The following ZCCHC14 variants were observed in gnomAD, a reference collection of about 807,000 sequenced individuals.
The protein encoded by ZCCHC14 is zinc finger CCHC domain-containing protein 14.
ZCCHC14 carries 16 observed loss-of-function variants against 85.0 expected under a neutral mutation model. The observed-to-expected ratio is 0.19, with a 90% CI of 0.13 to 0.29. The LOEUF is 0.29. ZCCHC14 is among the 10% of genes least tolerant of loss of function. The pLI is 1.00. For synonymous variants in ZCCHC14, 775 were observed against 630.7 expected, an observed-to-expected ratio of 1.23 and a Z score of -3.43; for missense variants, 1,303 against 1,443.5, an observed-to-expected ratio of 0.90 and a Z score of 1.58.
rs73238690 is a variant in ZCCHC14 at position 87,420,542 on chromosome 16, T to C, written c.950+65A>G. ...CAGAGCTCCTTGGAGGACCACAGCA[T>C]TGACCACAGGACCAGCCTGTCCTTG... On this transcript the variant is annotated intron_variant, in intron 5 of 12. Transcript: ENST00000671377. The surrounding 1 kb of genome is among the most constrained non-coding windows in gnomAD (Gnocchi z 5.0). 43,512 of 1,372,568 alleles carry C rather than the reference T, an allele frequency of 0.032. 941 individuals are homozygous for C. The highest frequency in any genetic ancestry group is 0.092 in the Middle Eastern group (414 of 4,516). 85.0% of individuals were successfully genotyped at this position (1,372,568 alleles called of 1,614,324 possible). A position where few individuals can be genotyped will look rare whatever the true frequency, so the allele number is the denominator to read the frequency against.
chr16:87,440,821 G>A (rs1426655002), intron 2 of ZCCHC14, among the ~76,000 whole-genome samples: 14 of 151,610 alleles, frequency 9.2e-5, no homozygotes, highest in African/African-American at 9.7e-5. Flanking sequence ...ATGTCACCCA[G>A]GCTGCTTGCT....
intron 2 of ZCCHC14, among the ~76,000 whole-genome samples, chr16:87,445,199 TG>T (rs1910377321): frequency 6.6e-6 from 1 of 152,084 alleles, no homozygotes; most frequent in African/African-American, 2.4e-5. Flanking sequence ...CCGAAGCAGC[TG>T]GGACTACAGG....
intron 1 of ZCCHC14, chr16:87,473,667 TA>T (rs2150770355): frequency 6.6e-6 from 1 of 152,258 alleles, no homozygotes; most frequent in Non-Finnish European, 1.5e-5. Context: ...GTTCCCACTA[TA>T]ATATTCAGCT....
intron 2 of ZCCHC14, among the ~76,000 whole-genome samples, chr16:87,457,159 G>A (rs1911015806): frequency 1.3e-5 from 2 of 152,170 alleles, no homozygotes; most frequent in South Asian, 2.1e-4. Context: ...CACTGGGTAC[G>A]GGGTTTACTA....
Position 87,491,642 on chromosome 16 carries a change from A to T in ZCCHC14, c.570+27T>A. The T allele has an allele frequency of 7.2e-7, 1 of 1,383,708 alleles. No individual in the cohort carries two copies. Among genetic ancestry groups the T allele is most frequent in the South Asian group, 1.7e-5 (1 of 58,646 alleles). The allele number at this position is 1,383,708 out of a possible 1,614,324, so 85.7% of individuals were successfully genotyped here. A position where few individuals can be genotyped will look rare whatever the true frequency, so the allele number is the denominator to read the frequency against. ...AGTTGGGGATGCAGACTTGGGGTAC[A>T]GGGCAGAGCTCGGGGCGGGCACGCA... On this transcript the variant is annotated intron_variant, in intron 1 of 12. Transcript: ENST00000671377. The surrounding 1 kb of genome is among the most constrained non-coding windows in gnomAD (Gnocchi z 5.9).
At position 87,417,730 on chromosome 16, in the gene ZCCHC14, T is replaced by A; in HGVS notation, c.1113A>T (p.Gly371=). ...VMGVSGRPVC[G]VAGIPSSQSG... is the part of the protein sequence containing the mutation. ...TCTGCGAGGACGGGATACCAGCCAC[T>A]CCACACACAGGCCTGTGGGACAGGG... The change falls in exon 8 of 13, where the codon GGA becomes GGT. Residue 371 remains glycine (G), a synonymous_variant. Coordinates refer to ENST00000671377, the MANE Select transcript of ZCCHC14 (RefSeq NM_015144.3). 6.3e-7 allele frequency: 1 copy of A among 1,596,200 alleles called. No individual in the cohort carries two copies. Among genetic ancestry groups the A allele is most frequent in the African/African-American group, 1.3e-5 (1 of 74,746 alleles).
intron 2 of ZCCHC14, among the ~76,000 whole-genome samples, chr16:87,441,524 A>G (rs938944574): frequency 5.9e-5 from 9 of 152,244 alleles, no homozygotes; most frequent in Admixed American, 5.2e-4. Flanking sequence ...AGGCAACACA[A>G]AACTCCTCTC....
At chr16:87,460,267 C>T in intron 1 of ZCCHC14, 136 bp from the exon 2 acceptor site, 1 of 1,194,414 alleles carries the variant, frequency 8.4e-7, no homozygotes, top group Middle Eastern at 2.3e-4. Flanking sequence ...TAATAATAAG[C>T]CTTCCCCAAG....
chr16:87,433,495 G>C (rs1210187358), intron 2 of ZCCHC14, among the ~76,000 whole-genome samples: 1 of 152,192 alleles, frequency 6.6e-6, no homozygotes. Context: ...TGAGAGCCCA[G>C]CAGTAGCTAC....
chr16:87,464,497 C>T (rs1021873120), intron 1 of ZCCHC14, among the ~76,000 whole-genome samples: 2 of 152,154 alleles, frequency 1.3e-5, no homozygotes, highest in African/African-American at 4.8e-5. Flanking sequence ...GTCTTTTCCC[C>T]ACGCAGACAG....
chr16:87,467,692 C>G, intron 1 of ZCCHC14: 1 of 765,274 alleles, frequency 1.3e-6, no homozygotes, highest in Non-Finnish European at 2.3e-6. Flanking sequence ...CGCTCTGTCG[C>G]CCAGGCTGGA....
Position 87,412,406 on chromosome 16 carries a change from G to C in ZCCHC14, c.2315C>G (p.Pro772Arg). The C allele has an allele frequency of 6.2e-7, 1 of 1,614,182 alleles. No individual in the cohort carries two copies. The highest frequency in any genetic ancestry group is 2.2e-5 in the East Asian group (1 of 44,874). The change falls in exon 12 of 13, where the codon CCG becomes CGG. Residue 772 changes from proline (P) to arginine (R), a missense_variant. By Grantham distance (103) the Pro-to-Arg change is moderately radical. This residue lies in a region of ZCCHC14 where 797 missense variants were observed against 730.8 expected (regional missense o/e 1.09). Coordinates refer to ENST00000671377, the MANE Select transcript of ZCCHC14 (RefSeq NM_015144.3). ...TPSTVLHAAR[P>R]PIKLLLSSSV... ...TGACGACAGCAGCAGTTTGATGGGC[G>C]GACGGGCGGCGTGGAGGACTGTGCT...
At chr16:87,476,059 C>G (rs549633251) in intron 1 of ZCCHC14, among the ~76,000 whole-genome samples, 2 of 152,192 alleles carry the variant, frequency 1.3e-5, no homozygotes, top group Non-Finnish European at 2.9e-5. Context: ...GAGACAGGGT[C>G]TCGACTTCTC....
intron 2 of ZCCHC14, among the ~76,000 whole-genome samples, chr16:87,456,158 T>C (rs1426761245): frequency 6.6e-6 from 1 of 152,188 alleles, no homozygotes; most frequent in Non-Finnish European, 1.5e-5. Context: ...ATTGAAACTA[T>C]CAAGGCTTCT....
intron 3 of ZCCHC14, among the ~76,000 whole-genome samples, chr16:87,431,165 G>A (rs550837402): frequency 1.3e-4 from 19 of 146,738 alleles, no homozygotes; most frequent in Non-Finnish European, 2.2e-4. Flanking sequence ...GAAAAGAAAT[G>A]AGAAAGGAAA....
In ZCCHC14 at chr16:87,438,183, G is replaced by A. The variant is rs114939062; in HGVS notation, c.695-4982C>T. Among the ~76,000 whole-genome samples, 202 of 152,386 alleles carry A rather than the reference G, an allele frequency of 1.3e-3. 2 individuals carry two copies. Among genetic ancestry groups the A allele is most frequent in the African/African-American group, 4.4e-3 (183 of 41,588 alleles). ...CAATGCTGTGGTACCGCAGCACTGC[G>A]TGGCACACAGAGCCCACTGCACAGG... is the stretch of plus-strand genomic sequence containing the variant. On this transcript the variant is annotated intron_variant, in intron 2 of 12. Transcript: ENST00000671377.
Position 87,491,579 on chromosome 16 carries a change from C to CG in ZCCHC14, c.570+89dup. ...CTCAGTGCAGGCTGGAGGCGTGGGTCGGGGGGTCGCGGTGCAGGCTGGAGG... is the reference window on the plus strand; with the variant it reads ...CTCAGTGCAGGCTGGAGGCGTGGGTCGGGGGGGTCGCGGTGCAGGCTGGAGG... On this transcript the variant is annotated intron_variant, in intron 1 of 12. Coordinates refer to ENST00000671377, the MANE Select transcript of ZCCHC14 (RefSeq NM_015144.3). This position sits in a 1 kb window ranked among gnomAD's most constrained non-coding sequence, Gnocchi z 5.9. 3 of 1,211,668 alleles carry CG rather than the reference C, an allele frequency of 2.5e-6. No individual in the cohort carries two copies. Among genetic ancestry groups the CG allele is most frequent in the South Asian group, 2.0e-5 (1 of 48,894 alleles). 75.1% of individuals were successfully genotyped at this position (1,211,668 alleles called of 1,614,324 possible). A position where few individuals can be genotyped will look rare whatever the true frequency, so the allele number is the denominator to read the frequency against.
intron 8 of ZCCHC14, 51 bp downstream of exon 8, chr16:87,417,409 T>G (rs749660996): frequency 1.3e-6 from 2 of 1,590,518 alleles, no homozygotes; most frequent in East Asian, 2.2e-5. Context: ...CAGGGAGGTC[T>G]TGAGTAAACA....
chr16:87,448,285 G>A (rs1910533355), intron 2 of ZCCHC14, among the ~76,000 whole-genome samples: 1 of 152,188 alleles, frequency 6.6e-6, no homozygotes, highest in South Asian at 2.1e-4. Flanking sequence ...CAAATGGCAA[G>A]TCCAATGTTA....
Sources: allele counts gnomAD v4.1 joint callset (sites outside exome capture counted in the v4.1 genomes callset), GRCh38; gene constraint gnomAD v4.1.1; regional missense constraint gnomAD v4.1.1; non-coding constraint Gnocchi (gnomAD v3.1); transcripts MANE v1.5; gene names NCBI Gene and HGNC (gene_info 2026-07-23, HGNC 2026-07-21).